SYNE2: variants seen among roughly 807,000 people sequenced by gnomAD.
SYNE2 encodes nesprin-2.
SYNE2 carries 431 observed loss-of-function variants against 856.3 expected under a neutral mutation model. The ratio of observed to expected loss-of-function variants is 0.50; its 90% confidence interval spans 0.47 to 0.55. The LOEUF (loss-of-function observed/expected upper bound fraction) is 0.55, where lower values mean the gene tolerates loss of function less well. Ranked by LOEUF, SYNE2 falls within the 20% of genes least tolerant of loss-of-function variation. The pLI, the probability that SYNE2 is intolerant of heterozygous loss-of-function variation, is 0.00. For missense variants in SYNE2, 8,129 were observed against 8,023.2 expected, an observed-to-expected ratio of 1.01 and a Z score of -0.50; for synonymous variants, 2,923 against 2,872.3, an observed-to-expected ratio of 1.02 and a Z score of -0.56.
chr14:63,931,761 A>G (rs1479922982), intron 2 of SYNE2, among the ~76,000 whole-genome samples: 2 of 152,072 alleles, frequency 1.3e-5, no homozygotes, highest in South Asian at 2.1e-4. Flanking sequence ...ACAAAAGCAC[A>G]AAGGTTTAAC....
At chr14:63,931,412 T>C (rs2095752936) in intron 2 of SYNE2, among the ~76,000 whole-genome samples, 1 of 151,876 alleles carries the variant, frequency 6.6e-6, no homozygotes, top group African/African-American at 2.4e-5. Flanking sequence ...TAGCCGGGCG[T>C]GGTGGAGGGC....
At chr14:63,831,684 T>C (rs1273263718) in intron 1 of SYNE2, among the ~76,000 whole-genome samples, 3 of 150,674 alleles carry the variant, frequency 2.0e-5, no homozygotes, top group African/African-American at 7.3e-5. Flanking sequence ...GCCTCCTGAG[T>C]AGCTGATACT....
At chr14:64,038,548 C>T (rs2097121347) in intron 45 of SYNE2, among the ~76,000 whole-genome samples, 2 of 152,240 alleles carry the variant, frequency 1.3e-5, no homozygotes, top group Admixed American at 1.3e-4. Flanking sequence ...CCAGCCTGGG[C>T]ACCATTGAGC....
intron 92 of SYNE2, among the ~76,000 whole-genome samples, chr14:64,168,115 G>A (rs1448480510): frequency 6.6e-6 from 1 of 151,888 alleles, no homozygotes; most frequent in Non-Finnish European, 1.5e-5. Flanking sequence ...GCTTTTTTTG[G>A]TGGGGGGAGA....
At chr14:63,799,818 C>G (rs117915653) in intron 1 of SYNE2, among the ~76,000 whole-genome samples, 1,755 of 152,268 alleles carry the variant, frequency 0.012, 18 homozygotes, top group Non-Finnish European at 0.017. Context: ...GAAAAATGAA[C>G]TTTCACTTTT....
rs1025969839 is a variant in SYNE2, at chr14:64,051,313, CT to C, written c.7644-233del. On this transcript the variant is annotated intron_variant, in intron 47 of 115. Coordinates refer to ENST00000555002, the MANE Select transcript of SYNE2 (RefSeq NM_182914.3). Reference sequence around the variant, plus strand: ...ATTTTTGGGATACTCATTTTCTTTGCTTTTTTTTTTTCACTCAAAGTAAAAG... The same window carrying C: ...ATTTTTGGGATACTCATTTTCTTTGCTTTTTTTTTTCACTCAAAGTAAAAG... Among the ~76,000 whole-genome samples the C allele has an allele frequency of 6.6e-3, 929 of 141,644 alleles. 31 individuals are homozygous for C. The highest frequency in any genetic ancestry group is 0.05 in the Admixed American group (711 of 14,232). The allele number at this position is 141,644 out of a possible 152,430, so 92.9% of individuals were successfully genotyped here. A position where few individuals can be genotyped will look rare whatever the true frequency, so the allele number is the denominator to read the frequency against.
At chr14:63,853,355 A>T (rs1409062775) in intron 1 of SYNE2, among the ~76,000 whole-genome samples, 1 of 151,454 alleles carries the variant, frequency 6.6e-6, no homozygotes, top group Non-Finnish European at 1.5e-5. Context: ...GGCGCCGTAA[A>T]CTTGTCAGCG....
chr14:64,065,833 AT>A (rs1247578983), intron 51 of SYNE2, among the ~76,000 whole-genome samples, 183 bp downstream of exon 51: 1 of 152,240 alleles, frequency 6.6e-6, no homozygotes, highest in African/African-American at 2.4e-5. Flanking sequence ...GCAAGAACTT[AT>A]TCAGATTATT....
chr14:64,049,963 A>G (rs2097212742), intron 47 of SYNE2, 87 bp downstream of exon 47: 1 of 1,462,026 alleles, frequency 6.8e-7, no homozygotes, highest in South Asian at 1.2e-5. Flanking sequence ...TTAAGAGTTT[A>G]TATTGTGAAA....
intron 22 of SYNE2, among the ~76,000 whole-genome samples, 178 bp from the exon 23 acceptor site, chr14:63,994,866 T>C (rs917486089): frequency 6.6e-6 from 1 of 152,190 alleles, no homozygotes; most frequent in Non-Finnish European, 1.5e-5. Context: ...AAAAAAACCA[T>C]GTTTATGAGC....
chr14:63,807,331 G>T (rs1158522861), intron 1 of SYNE2, among the ~76,000 whole-genome samples: 1 of 133,214 alleles, frequency 7.5e-6, no homozygotes, highest in Admixed American at 7.8e-5. Flanking sequence ...GACAGAACAA[G>T]ACCCTGTCTC....
At chr14:64,121,571 C>T (rs2097898995) in intron 68 of SYNE2, among the ~76,000 whole-genome samples, 1 of 152,162 alleles carries the variant, frequency 6.6e-6, no homozygotes, top group Admixed American at 6.6e-5. Flanking sequence ...TATGGAATTT[C>T]TGCAAAGTGT....
chr14:64,141,253 T>A, intron 80 of SYNE2, 88 bp from the exon 81 acceptor site: 1 of 1,056,098 alleles, frequency 9.5e-7, no homozygotes, highest in Non-Finnish European at 1.4e-6. Context: ...TTTACTATGT[T>A]TATTTGTTGA....
chr14:63,980,421 C>A (rs544346535), intron 14 of SYNE2, among the ~76,000 whole-genome samples: 15 of 152,152 alleles, frequency 9.9e-5, no homozygotes, highest in Non-Finnish European at 1.9e-4. Flanking sequence ...ACCATGTCAC[C>A]ACATTAAGAT....
At chr14:64,199,742 T>C (rs1389367825) in intron 99 of SYNE2, among the ~76,000 whole-genome samples, 1 of 144,164 alleles carries the variant, frequency 6.9e-6, no homozygotes, top group African/African-American at 2.6e-5. Flanking sequence ...AAAAAGTACA[T>C]GAGTTGCTAA....
Position 64,078,569 on chromosome 14 carries a change from A to G in SYNE2, c.11126A>G (p.Lys3709Arg). The change falls in exon 55 of 116, where the codon AAA (lysine) becomes AGA (arginine). Residue 3709 changes from lysine (K) to arginine (R), a missense_variant. Lys to Arg is a conservative substitution (Grantham distance 26). Around this residue, in one of 3 missense-constraint regions of SYNE2, gnomAD observed 5,410 missense variants for 5,284.8 expected, o/e 1.02. Coordinates refer to ENST00000555002, the MANE Select transcript of SYNE2 (RefSeq NM_182914.3). ...AATGTTGAAAAGATGTTGCAGCAGA[A>G]AAGCAAAAATATTGAGAAAGCTCAA... The part of the protein sequence containing the change: ...LHNVEKMLQQ[K>R]SKNIEKAQEI... The G allele has an allele frequency of 6.2e-7, 1 of 1,614,174 alleles. No homozygotes were observed. Among genetic ancestry groups the G allele is most frequent in the Non-Finnish European group, 8.5e-7 (1 of 1,180,008 alleles).
At position 63,803,697 on chromosome 14, in the gene SYNE2, A is replaced by G. The variant is rs551274381; in HGVS notation, c.-305+41711A>G. On this transcript the variant is annotated intron_variant, in intron 1 of 23. Coordinates refer to the SYNE2 transcript ENST00000674003. ...AGTGGGCTCAAGCCTTGGCCAGCCC[A>G]GAAAGGGGCTCCCATAGTGCAGCGG... 4.6e-5 allele frequency among the ~76,000 whole-genome samples: 7 copies of G among 152,326 alleles called. No homozygotes were observed. The East Asian group carries it at 9.7e-4, about 21-fold the overall frequency.
At chr14:64,146,291 A>T in intron 84 of SYNE2, 68 bp downstream of exon 84, 1 of 1,431,398 alleles carries the variant, frequency 7.0e-7, no homozygotes, top group Non-Finnish European at 9.4e-7. Flanking sequence ...TCTTGCCCCG[A>T]GGATAAGTTG....
At chr14:64,171,720 G>A (rs919595215) in intron 94 of SYNE2, among the ~76,000 whole-genome samples, 23 of 152,234 alleles carry the variant, frequency 1.5e-4, no homozygotes, top group Non-Finnish European at 2.6e-4. Context: ...GTGGCAGGAG[G>A]TGAACTAGAA....
Sources: allele counts gnomAD v4.1 joint callset (sites outside exome capture counted in the v4.1 genomes callset), GRCh38; gene constraint gnomAD v4.1.1; regional missense constraint gnomAD v4.1.1; transcripts MANE v1.5; gene names NCBI Gene and HGNC (gene_info 2026-07-23, HGNC 2026-07-21).